Variants in DPP6 observed in about 807,000 individuals in gnomAD.
The protein encoded by DPP6 is dipeptidyl peptidase like 6.
In DPP6, 69 loss-of-function variants were observed where a neutral mutation model predicts 122.6. The ratio of observed to expected loss-of-function variants is 0.56; its 90% CI spans 0.46 to 0.69. DPP6 has a LOEUF of 0.69. DPP6 is among the 30% of genes least tolerant of loss of function. DPP6 has a pLI of 0.00. For missense variants in DPP6, 928 were observed against 1,116.9 expected, an observed-to-expected ratio of 0.83 and a Z score of 2.41; for synonymous variants, 418 against 433.1, an observed-to-expected ratio of 0.97 and a Z score of 0.43.
chr7:154,053,141 A>AT (rs1224768660), intron 1 of DPP6, 78 bp downstream of exon 1: 25 of 826,482 alleles, frequency 3.0e-5, no homozygotes, highest in South Asian at 5.2e-5. Flanking sequence ...GGCAGGGGAA[A>AT]TTTTTTTTGG....
intron 1 of DPP6, among the ~76,000 whole-genome samples, chr7:154,375,686 C>T (rs756978810): frequency 6.6e-6 from 1 of 152,108 alleles, no homozygotes; most frequent in Non-Finnish European, 1.5e-5. Context: ...ACAGAAGCTG[C>T]CGGCACCCTG....
chr7:154,112,678 G>A (rs182750107), intron 1 of DPP6, among the ~76,000 whole-genome samples: 324 of 151,912 alleles, frequency 2.1e-3, no homozygotes, highest in African/African-American at 7.1e-3. Context: ...CTCTCAGTAG[G>A]TACTAAATAA....
chr7:154,403,336 C>G lies in DPP6; in HGVS notation c.244-42878C>G, dbSNP rs1586172838. On this transcript the variant is annotated intron_variant, in intron 1 of 25. Coordinates refer to ENST00000377770, the MANE Select transcript of DPP6 (RefSeq NM_130797.4). The surrounding 1 kb of genome is among the most constrained non-coding windows in gnomAD (Gnocchi z 4.1). ...ACACCGCCCACCGCTGTCCAAATGC[C>G]AAGTGGCGATTCAGGTACCTTAGGA... Among the ~76,000 whole-genome samples the G allele has an allele frequency of 1.3e-5, 2 of 152,162 alleles. No individual in the cohort carries two copies. The highest frequency in any genetic ancestry group is 2.9e-5 in the Non-Finnish European group (2 of 68,036).
At position 154,624,194 on chromosome 7, in the gene DPP6, G is replaced by C. The variant is rs1834918462; in HGVS notation, c.628-13627G>C. Among the ~76,000 whole-genome samples, 1 of 152,176 alleles carries C rather than the reference G, an allele frequency of 6.6e-6. No homozygotes were observed. Among genetic ancestry groups the C allele is most frequent in the African/African-American group, 2.4e-5 (1 of 41,452 alleles). ...AATACAAAAATCAGCCAGACGTGGT[G>C]GCGGGTGCCTATAAATCCAGCTACT... On this transcript the variant is annotated intron_variant, in intron 5 of 25. Coordinates refer to ENST00000377770, the MANE Select transcript of DPP6 (RefSeq NM_130797.4). The surrounding 1 kb of genome is among the most constrained non-coding windows in gnomAD (Gnocchi z 4.7).
intron 1 of DPP6, among the ~76,000 whole-genome samples, chr7:153,902,401 G>C (rs1039343265): frequency 5.3e-5 from 8 of 152,168 alleles, no homozygotes; most frequent in African/African-American, 1.9e-4. Flanking sequence ...CAGAAACTGG[G>C]AGACAGGGGT....
chr7:153,829,478 T>A, the DPP6 span, among the ~76,000 whole-genome samples: 2 of 152,144 alleles, frequency 1.3e-5, no homozygotes, highest in Non-Finnish European at 2.9e-5. Context: ...CCTCCCAAAG[T>A]GCTGGGATTA....
rs534096309 is a variant in DPP6 at position 153,923,660 on chromosome 7, C to A, written c.51+35926C>A. ...CCTGTAGTCCCAGCTACTTGGGAGG[C>A]TGAGGCAGAAGAATGGCGTGAACCC... On this transcript the variant is annotated intron_variant, in intron 1 of 25. Transcript: ENST00000404039. Among the ~76,000 whole-genome samples, 4 of 145,408 alleles carry A rather than the reference C, an allele frequency of 2.8e-5. No homozygotes were observed. In the East Asian group the frequency reaches 8.4e-4, roughly 31 times the overall value.
rs1320189354 is a variant in DPP6, at chr7:154,878,082, C to T, written c.2078+1982C>T. ...TTTCATTTGTGTGTGGCTTCCCCTG[C>T]CATCTCCTGCTCTTTCCTCACCCCA... On this transcript the variant is annotated intron_variant, in intron 20 of 25. Transcript: ENST00000377770. 2.0e-5 allele frequency among the ~76,000 whole-genome samples: 3 copies of T among 152,308 alleles called. No individual in the cohort carries two copies. The East Asian group carries it at 5.8e-4, about 30-fold the overall frequency.
intron 1 of DPP6, among the ~76,000 whole-genome samples, chr7:154,112,776 C>T (rs574795199): frequency 2.9e-4 from 44 of 150,696 alleles, no homozygotes; most frequent in Non-Finnish European, 3.7e-4. Flanking sequence ...TGAGATCTAC[C>T]CTCTCCATAA....
chr7:154,597,210 A>G (rs1197637052), intron 5 of DPP6, among the ~76,000 whole-genome samples: 5 of 151,796 alleles, frequency 3.3e-5, no homozygotes, highest in African/African-American at 4.8e-5. Context: ...AGAAGGAGAG[A>G]AGACAGAGGG....
chr7:154,093,101 C>T (rs1804984737), intron 1 of DPP6, among the ~76,000 whole-genome samples: 1 of 151,810 alleles, frequency 6.6e-6, no homozygotes, highest in African/African-American at 2.4e-5. Context: ...CCACATACCA[C>T]TCACACAGCA....
chr7:154,519,870 G>T (rs1342657046), intron 3 of DPP6, among the ~76,000 whole-genome samples: 4 of 152,194 alleles, frequency 2.6e-5, no homozygotes, highest in African/African-American at 9.6e-5. Flanking sequence ...CCCTTTCAGA[G>T]ATCTGAGTGC....
At chr7:154,628,490 G>A (rs754466932) in intron 5 of DPP6, among the ~76,000 whole-genome samples, 2 of 152,072 alleles carry the variant, frequency 1.3e-5, no homozygotes, top group South Asian at 4.2e-4. Context: ...TTGGCTTATT[G>A]GTCTCACCAC....
chr7:154,128,028 G>C (rs1208484382), intron 1 of DPP6, among the ~76,000 whole-genome samples: 1 of 149,860 alleles, frequency 6.7e-6, no homozygotes, highest in Non-Finnish European at 1.5e-5. Flanking sequence ...GCCCAAGAAC[G>C]TCTCCACAGA....
intron 1 of DPP6, among the ~76,000 whole-genome samples, chr7:154,421,438 T>A (rs1489103952): frequency 6.6e-6 from 1 of 151,862 alleles, no homozygotes; most frequent in East Asian, 1.9e-4. Flanking sequence ...TTCTCTTGCA[T>A]CATCCTCCTC....
At chr7:153,839,566 G>C in the DPP6 span, among the ~76,000 whole-genome samples, 1 of 152,192 alleles carries the variant, frequency 6.6e-6, no homozygotes, top group African/African-American at 2.4e-5. Context: ...AAGTCCCACT[G>C]GGCAGGCTCC....
At chr7:154,365,735 C>T (rs371054008) in intron 1 of DPP6, among the ~76,000 whole-genome samples, 1 of 151,846 alleles carries the variant, frequency 6.6e-6, no homozygotes, top group African/African-American at 2.4e-5. Flanking sequence ...GGGCGGATCA[C>T]AAGGTCAGGA....
rs74957421 is a variant in DPP6, at chr7:154,590,298, C to T, written c.627+23382C>T. Among the ~76,000 whole-genome samples, 12 of 152,046 alleles carry T rather than the reference C, an allele frequency of 7.9e-5. No individual in the cohort carries two copies. In the East Asian group the frequency reaches 9.8e-4, roughly 12 times the overall value. On this transcript the variant is annotated intron_variant, in intron 5 of 25. Transcript: ENST00000377770. Reference sequence around the variant, plus strand: ...GATGATGCAAAACCAACCTGTACATCGAAATCTATTTTTTATTATTCAAAA... The same window carrying T: ...GATGATGCAAAACCAACCTGTACATTGAAATCTATTTTTTATTATTCAAAA...
intron 1 of DPP6, among the ~76,000 whole-genome samples, chr7:153,949,661 G>T (rs1012045105): frequency 3.3e-5 from 5 of 152,220 alleles, no homozygotes; most frequent in African/African-American, 1.2e-4. Context: ...GCTCTGGACT[G>T]TAACACCCCA....
Sources: gnomAD v4.1 joint callset for allele counts (sites outside exome capture counted in the v4.1 genomes callset) on GRCh38, gnomAD v4.1.1 for gene constraint, Gnocchi (gnomAD v3.1) non-coding constraint, MANE v1.5 for transcripts, NCBI Gene and HGNC (gene_info 2026-07-23, HGNC 2026-07-21) for gene names.